Variants in ATF7 observed in about 807,000 individuals in gnomAD.
ATF7 encodes activating transcription factor 7.
A neutral mutation model predicts 50.4 loss-of-function variants in ATF7; 10 were observed. The observed-to-expected ratio is 0.20, with a 90% CI of 0.12 to 0.34. The LOEUF (loss-of-function observed/expected upper bound fraction) is 0.34, where lower values mean the gene tolerates loss of function less well. ATF7 is among the 10% of genes least tolerant of loss of function. The pLI is 1.00. For synonymous variants in ATF7, 201 were observed against 226.4 expected, an observed-to-expected ratio of 0.89 and a Z score of 1.01; for missense variants, 465 against 613.9, an observed-to-expected ratio of 0.76 and a Z score of 2.56.
chr12:53,572,068 A>G (rs915807162), intron 2 of ATF7, among the ~76,000 whole-genome samples: 1 of 149,348 alleles, frequency 6.7e-6, no homozygotes, highest in East Asian at 1.9e-4. Context: ...CTCCATCTCA[A>G]AAAAAAAAAA....
intron 2 of ATF7, among the ~76,000 whole-genome samples, chr12:53,563,283 A>G (rs370572284): frequency 1.3e-5 from 2 of 152,118 alleles, no homozygotes; most frequent in East Asian, 3.8e-4. Flanking sequence ...TACATATAGA[A>G]TTTTAGTCTA....
At chr12:53,624,363 T>C (rs1047185159) in intron 1 of ATF7, among the ~76,000 whole-genome samples, 1 of 152,238 alleles carries the variant, frequency 6.6e-6, no homozygotes, top group African/African-American at 2.4e-5. Flanking sequence ...TCTCTTCATG[T>C]AATAGCTTTA....
chr12:53,543,135 C>T lies in ATF7; in HGVS notation c.264+195G>A. On this transcript the variant is annotated intron_variant, in intron 4 of 11. Coordinates refer to ENST00000420353, the MANE Select transcript of ATF7 (RefSeq NM_006856.3). ...AATTTTCGGTGACGACAGACTTGTG[C>T]TGATCCATCATCTGGAACTCCTAAA... 3 of 1,478,090 alleles carry T rather than the reference C, an allele frequency of 2.0e-6. No individual in the cohort carries two copies. The South Asian group carries it at 4.2e-5, about 21-fold the overall frequency. 91.6% of individuals were successfully genotyped at this position (1,478,090 alleles called of 1,614,324 possible).
rs189511348 is a variant in ATF7, at chr12:53,552,049, T to G, written c.145+492A>C. Among the ~76,000 whole-genome samples the G allele has an allele frequency of 3.4e-3, 520 of 152,292 alleles. 4 individuals carry two copies. Among genetic ancestry groups the G allele is most frequent in the South Asian group, 0.011 (52 of 4,824 alleles). On this transcript the variant is annotated intron_variant, in intron 3 of 11. Transcript: ENST00000420353. ...CTGACTAAATGTCTTGTTTGAGCTT[T>G]GGAAATGTGCCCTCAATGGTGTCTG...
At chr12:53,562,309 A>G (rs959498217) in intron 2 of ATF7, among the ~76,000 whole-genome samples, 1 of 152,178 alleles carries the variant, frequency 6.6e-6, no homozygotes, top group South Asian at 2.1e-4. Flanking sequence ...AGCACGTCTC[A>G]CTAAAGTGCT....
At chr12:53,603,934 AG>A (rs984654901) in intron 1 of ATF7, among the ~76,000 whole-genome samples, 3 of 152,156 alleles carry the variant, frequency 2.0e-5, no homozygotes, top group African/African-American at 7.2e-5. Context: ...TGAGACATAA[AG>A]GGAAATCTTG....
chr12:53,554,668 G>A (rs2137520079), intron 2 of ATF7, among the ~76,000 whole-genome samples: 1 of 151,376 alleles, frequency 6.6e-6, no homozygotes, highest in Non-Finnish European at 1.5e-5. Flanking sequence ...TTCGAGGCCA[G>A]CATGACCAAC....
intron 4 of ATF7, 28 bp downstream of exon 4, chr12:53,543,302 G>T (rs1555218180): frequency 6.4e-7 from 1 of 1,559,674 alleles, no homozygotes; most frequent in South Asian, 1.2e-5. Context: ...AATACCACCA[G>T]TTTTTTGGCA....
At chr12:53,578,175 C>A (rs756984822) in intron 2 of ATF7, among the ~76,000 whole-genome samples, 3 of 152,078 alleles carry the variant, frequency 2.0e-5, no homozygotes, top group Non-Finnish European at 4.4e-5. Flanking sequence ...GAGTTTGAGA[C>A]TAGCCTGGGC....
At chr12:53,565,873 C>T (rs1941420602) in intron 2 of ATF7, among the ~76,000 whole-genome samples, 7 of 152,090 alleles carry the variant, frequency 4.6e-5, no homozygotes, top group Admixed American at 2.6e-4. Flanking sequence ...CTGCTAATAA[C>T]GACATACCCA....
chr12:53,596,493 T>C (rs1459599970), intron 2 of ATF7, among the ~76,000 whole-genome samples: 4 of 152,210 alleles, frequency 2.6e-5, no homozygotes, highest in African/African-American at 9.6e-5. Context: ...CACTTGATTA[T>C]GGTAACCAGA....
rs372104228 is a variant in ATF7, at chr12:53,532,452, T to C, written c.774+58A>G. 12 of 1,358,706 alleles carry C rather than the reference T, an allele frequency of 8.8e-6. No individual in the cohort carries two copies. The African/African-American group carries it at 1.6e-4, about 18-fold the overall frequency. The allele number at this position is 1,358,706 out of a possible 1,614,324, so 84.2% of individuals were successfully genotyped here. ...CTTGGCTCACTTGAAAGACCTAGGC[T>C]GGTATCACCCACTTCTTTCAGAAAG... On this transcript the variant is annotated intron_variant, in intron 8 of 11. Coordinates refer to ENST00000420353, the MANE Select transcript of ATF7 (RefSeq NM_006856.3).
intron 1 of ATF7, among the ~76,000 whole-genome samples, chr12:53,624,144 C>G (rs1397159814): frequency 6.6e-6 from 1 of 152,218 alleles, no homozygotes; most frequent in Non-Finnish European, 1.5e-5. Context: ...GGGTAATTTT[C>G]TGTACTGCTG....
intron 4 of ATF7, among the ~76,000 whole-genome samples, chr12:53,542,427 CAAA>C (rs59513977): frequency 1.5e-5 from 2 of 136,506 alleles, no homozygotes; most frequent in Admixed American, 7.3e-5. Flanking sequence ...ACTCTTGTCT[CAAA>C]AAAAAAAAAA....
At chr12:53,536,609 C>T (rs1029751555) in intron 5 of ATF7, among the ~76,000 whole-genome samples, 8 of 149,762 alleles carry the variant, frequency 5.3e-5, no homozygotes, top group South Asian at 4.5e-4. Flanking sequence ...AATTGCTGGC[C>T]GGGCGCGGTG....
intron 2 of ATF7, among the ~76,000 whole-genome samples, chr12:53,590,870 C>T (rs1450090891): frequency 2.6e-5 from 4 of 152,070 alleles, no homozygotes; most frequent in East Asian, 1.9e-4. Context: ...CAGTGGTTAC[C>T]GGGGGTTCAG....
intron 3 of ATF7, among the ~76,000 whole-genome samples, chr12:53,549,933 G>C (rs1462784448): frequency 1.3e-5 from 2 of 152,094 alleles, no homozygotes; most frequent in Admixed American, 1.3e-4. Context: ...AGTGAGACTG[G>C]TCTCGAACTC....
At chr12:53,538,434 A>G (rs1324353775) in intron 4 of ATF7, among the ~76,000 whole-genome samples, 1 of 152,228 alleles carries the variant, frequency 6.6e-6, no homozygotes, top group East Asian at 1.9e-4. Context: ...GGGGTAACAG[A>G]AAAGAAAGGC....
rs1722209620 is a variant in ATF7 at position 53,516,973 on chromosome 12, T to A, written c.*164A>T. The A allele has an allele frequency of 3.8e-6, 3 of 785,508 alleles. No individual in the cohort carries two copies. The South Asian group carries it at 5.1e-5, about 13-fold the overall frequency. The allele number at this position is 785,508 out of a possible 1,614,324, so 48.7% of individuals were successfully genotyped here. On this transcript the variant is annotated 3_prime_UTR_variant, in exon 12 of 12. Transcript: ENST00000420353. ...CCCCAGCACAGGTGTCAAACGTACA[T>A]GACCACATGGCTAAAAAGCCCCATA...
Sources: allele counts gnomAD v4.1 joint callset (sites outside exome capture counted in the v4.1 genomes callset), GRCh38; gene constraint gnomAD v4.1.1; transcripts MANE v1.5; gene names NCBI Gene and HGNC (gene_info 2026-07-23, HGNC 2026-07-21).